Variants in IL4R observed in about 807,000 individuals in gnomAD.
IL4R encodes the protein interleukin-4 receptor subunit alpha.
A neutral mutation model predicts 41.5 loss-of-function variants in IL4R; 17 were observed. The ratio of observed to expected loss-of-function variants is 0.41; its 90% CI spans 0.28 to 0.61. The LOEUF (loss-of-function observed/expected upper bound fraction) is 0.61. IL4R is among the 20% of genes least tolerant of loss of function. The pLI is 0.31. For missense variants in IL4R, 974 were observed against 1,043.1 expected, an observed-to-expected ratio of 0.93 and a Z score of 0.91; for synonymous variants, 402 against 422.9, an observed-to-expected ratio of 0.95 and a Z score of 0.61.
chr16:27,337,545 C>T (rs1333487290), intron 2 of IL4R, among the ~76,000 whole-genome samples: 7 of 151,862 alleles, frequency 4.6e-5, no homozygotes, highest in Non-Finnish European at 1.0e-4. Context: ...GAATATAACC[C>T]AGCGCGTGCT....
intron 1 of IL4R, among the ~76,000 whole-genome samples, chr16:27,326,032 C>T (rs556835588): frequency 6.6e-6 from 1 of 152,256 alleles, no homozygotes; most frequent in Non-Finnish European, 1.5e-5. Context: ...GCTCTGTCTT[C>T]AACACAGATC....
At chr16:27,359,686 G>T (rs937781270) in intron 9 of IL4R, 2 of 412,582 alleles carry the variant, frequency 4.8e-6, no homozygotes, top group Non-Finnish European at 1.0e-5. Flanking sequence ...AATTCTCTGA[G>T]CCTCAGTTTC....
intron 2 of IL4R, among the ~76,000 whole-genome samples, chr16:27,333,836 G>A (rs2085178320): frequency 6.6e-6 from 1 of 151,960 alleles, no homozygotes; most frequent in African/African-American, 2.4e-5. Context: ...TGGCAGTTGA[G>A]CTTGGCAGGT....
intron 9 of IL4R, among the ~76,000 whole-genome samples, chr16:27,359,663 G>C (rs1459133138): frequency 6.6e-6 from 1 of 152,208 alleles, no homozygotes; most frequent in Non-Finnish European, 1.5e-5. Flanking sequence ...GTGTGGACTT[G>C]AGCAAGTTGC....
intron 8 of IL4R, among the ~76,000 whole-genome samples, chr16:27,357,469 A>T (rs2891057): frequency 0.75 from 113,673 of 152,056 alleles, 45,051 homozygotes; most frequent in East Asian, 0.89. Context: ...AATTTAATTT[A>T]ATTTTATTTT....
intron 7 of IL4R, among the ~76,000 whole-genome samples, chr16:27,354,407 G>A (rs746674688): frequency 8.5e-5 from 13 of 152,218 alleles, no homozygotes; most frequent in Admixed American, 2.6e-4. Context: ...ACGAGAGAGT[G>A]TACCTTGTGC....
rs1298387877 is a variant in IL4R at position 27,342,249 on chromosome 16, C to G, written c.199C>G (p.Leu67Val). 6.2e-7 allele frequency: 1 copy of G among 1,614,090 alleles called. No individual in the cohort carries two copies. The highest frequency in any genetic ancestry group is 8.5e-7 in the Non-Finnish European group (1 of 1,180,040). The change falls in exon 4 of 11, where the codon CTG becomes GTG. Residue 67 changes from leucine (L) to valine (V), a missense_variant. By Grantham distance (32) the Leu-to-Val change is conservative (BLOSUM62 1). Around this residue, in one of 3 missense-constraint regions of IL4R, gnomAD observed 284 missense variants for 313.4 expected, o/e 0.91. Transcript: ENST00000395762. ...CCGCCTGTTGTACCAGCTGGTTTTT[C>G]TGCTCTCCGAGTAAGCCTGCGCTGG... ...ELRLLYQLVF[L>V]LSEAHTCIPE...
At chr16:27,324,373 G>A (rs1213024378) in intron 1 of IL4R, among the ~76,000 whole-genome samples, 1 of 152,182 alleles carries the variant, frequency 6.6e-6, no homozygotes, top group Non-Finnish European at 1.5e-5. Context: ...AATTGGGGAT[G>A]ACCAACCAGG....
rs1230729376 is a variant in IL4R, at chr16:27,362,959, T to A, written c.1607T>A (p.Leu536His). ...CCCGAGATGCCCTGTGTCCCCCAGC[T>A]CTCTGAGCCAACCACTGTGCCCCAA... is the stretch of plus-strand genomic sequence containing the variant. ...VEPEMPCVPQLSEPTTVPQPE... is the reference protein window; with the variant it reads ...VEPEMPCVPQHSEPTTVPQPE... Residue 536 changes from leucine (L) to histidine (H), a missense_variant, in exon 11 of 11, where the codon CTC (leucine) becomes CAC (histidine). This residue lies in a region of IL4R where 682 missense variants were observed against 704.3 expected (regional missense o/e 0.97). Transcript: ENST00000395762. The A allele has an allele frequency of 1.2e-6, 2 of 1,614,036 alleles. No individual in the cohort carries two copies. The highest frequency in any genetic ancestry group is 3.3e-5 in the Admixed American group (2 of 60,032).
intron 6 of IL4R, among the ~76,000 whole-genome samples, chr16:27,348,728 G>A (rs958534282): frequency 6.6e-6 from 1 of 152,212 alleles, no homozygotes; most frequent in Non-Finnish European, 1.5e-5. Context: ...GGGTGCTGGT[G>A]GAGGGCCCTG....
intron 1 of IL4R, among the ~76,000 whole-genome samples, chr16:27,319,804 T>TA (rs962966793): frequency 1.3e-5 from 2 of 152,120 alleles, no homozygotes; most frequent in Non-Finnish European, 2.9e-5. Flanking sequence ...GCTGAGGCAT[T>TA]AGATGATTCT....
intron 1 of IL4R, chr16:27,318,678 A>G (rs1454983699): frequency 6.6e-6 from 1 of 152,196 alleles, no homozygotes; most frequent in Non-Finnish European, 1.5e-5. Context: ...TGCTTAAGAA[A>G]TCTGAGGTCT....
rs1375347282 is a variant in IL4R at position 27,344,859 on chromosome 16, G to A, written c.210-10G>A. ...AGGTGACCAGCCTAACCCAGCCCCT[G>A]TGTCTGCAGAGCCCACACGTGTATC... On this transcript the variant is annotated splice_polypyrimidine_tract_variant and intron_variant, in intron 4 of 10. Transcript: ENST00000395762. 23 of 1,613,996 alleles carry A rather than the reference G, an allele frequency of 1.4e-5. No homozygotes were observed. The highest frequency in any genetic ancestry group is 1.9e-5 in the Non-Finnish European group (23 of 1,179,960).
intron 1 of IL4R, among the ~76,000 whole-genome samples, chr16:27,319,521 G>T (rs962622015): frequency 2.6e-5 from 4 of 152,120 alleles, no homozygotes; most frequent in African/African-American, 7.2e-5. Context: ...TTACATTGTC[G>T]GTGTACTCCC....
chr16:27,355,721 C>A, intron 7 of IL4R, 87 bp from the exon 8 acceptor site: 1 of 890,500 alleles, frequency 1.1e-6, no homozygotes. Context: ...GGACGAGGGT[C>A]CTGACCCTGG....
chr16:27,324,813 C>G (rs1260008821), intron 1 of IL4R, among the ~76,000 whole-genome samples: 2 of 152,314 alleles, frequency 1.3e-5, no homozygotes, highest in East Asian at 3.9e-4. Context: ...AGCGCGTGGT[C>G]TTCCCCAGCA....
At chr16:27,334,186 G>A (rs1303556993) in intron 2 of IL4R, 11 of 152,144 alleles carry the variant, frequency 7.2e-5, no homozygotes, top group Admixed American at 7.2e-4. Flanking sequence ...CCAGCCAGGA[G>A]TCTCTTGATT....
chr16:27,349,823 C>T (rs1303996578), intron 6 of IL4R, among the ~76,000 whole-genome samples: 1 of 152,190 alleles, frequency 6.6e-6, no homozygotes, highest in African/African-American at 2.4e-5. Flanking sequence ...GATCATGGCT[C>T]ACTGCATCCT....
intron 8 of IL4R, 62 bp downstream of exon 8, chr16:27,355,969 C>A: frequency 9.0e-7 from 1 of 1,113,998 alleles, no homozygotes; most frequent in Non-Finnish European, 1.4e-6. Context: ...CAGGGACTTG[C>A]CCCTCTAGTC....
Sources: gnomAD v4.1 joint callset for allele counts (sites outside exome capture counted in the v4.1 genomes callset) on GRCh38, gnomAD v4.1.1 for gene constraint, gnomAD v4.1.1 regional missense constraint, MANE v1.5 for transcripts, NCBI Gene and HGNC (gene_info 2026-07-23, HGNC 2026-07-21) for gene names.